Variants in PHACTR4 observed in about 807,000 individuals in gnomAD.
PHACTR4 encodes protein phosphatase 1, regulatory subunit 124.
A neutral mutation model predicts 72.7 loss-of-function variants in PHACTR4; 51 were observed. The ratio of observed to expected loss-of-function variants is 0.70; its 90% CI spans 0.56 to 0.89. PHACTR4 has a LOEUF of 0.89. Ranked by LOEUF, PHACTR4 falls within the 40% of genes least tolerant of loss-of-function variation. The probability of loss-of-function intolerance (pLI) is 0.00; values close to 1 mark genes in which losing one functional copy is unlikely to be tolerated. For synonymous variants in PHACTR4, 255 were observed against 302.5 expected, an observed-to-expected ratio of 0.84 and a Z score of 1.63; for missense variants, 731 against 861.8, an observed-to-expected ratio of 0.85 and a Z score of 1.90.
At chr1:28,443,273 C>CCTTCTTTCTTTCTTTCTT (rs373305473) in intron 2 of PHACTR4, among the ~76,000 whole-genome samples, 5 of 65,226 alleles carry the variant, frequency 7.7e-5, no homozygotes, top group African/African-American at 3.0e-4. Flanking sequence ...GTCTTTCTTT[C>CCTTCTTTCTTTCTTTCTT]TCTCTCTCTC....
At chr1:28,403,701 C>A (rs4615861) in intron 1 of PHACTR4, among the ~76,000 whole-genome samples, 56,814 of 151,612 alleles carry the variant, frequency 0.37, 12,031 homozygotes, top group African/African-American at 0.57. Flanking sequence ...AATTACCCCC[C>A]AAAAAACTCT....
intron 2 of PHACTR4, among the ~76,000 whole-genome samples, chr1:28,432,163 C>A (rs780762794): frequency 1.3e-5 from 2 of 151,934 alleles, no homozygotes; most frequent in Non-Finnish European, 2.9e-5. Context: ...GAGCCGAGAT[C>A]GTGCCACTGC....
chr1:28,449,729 G>A (rs1204307339), intron 2 of PHACTR4, among the ~76,000 whole-genome samples: 1 of 151,930 alleles, frequency 6.6e-6, no homozygotes, highest in Non-Finnish European at 1.5e-5. Context: ...GTGGGCACCT[G>A]TAATCCCAGC....
At chr1:28,457,990 T>C in intron 2 of PHACTR4, 1 of 387,990 alleles carries the variant, frequency 2.6e-6, no homozygotes, top group Non-Finnish European at 3.5e-6. Flanking sequence ...TAAAACTAAC[T>C]AACTAAACCC....
In PHACTR4 at chr1:28,499,382, AC is replaced by A. The variant is rs1412434359; in HGVS notation, c.*2835del. 6.6e-6 allele frequency: 1 copy of A among 152,118 alleles called. No homozygotes were observed. Among genetic ancestry groups the A allele is most frequent in the Non-Finnish European group, 1.5e-5 (1 of 68,130 alleles). 9.4% of individuals were successfully genotyped at this position (152,118 alleles called of 1,614,324 possible). On this transcript the variant is annotated 3_prime_UTR_variant, in exon 14 of 14. Coordinates refer to ENST00000373839, the MANE Select transcript of PHACTR4 (RefSeq NM_001048183.3). ...ACTCCCGACCTCAGGTGATCCACCC[AC>A]CTCAGCCTCCCAAAGTGGTGGGATT...
In PHACTR4 at chr1:28,429,486, G is replaced by A. The variant is rs770223355; in HGVS notation, c.16+22023G>A. On this transcript the variant is annotated intron_variant, in intron 2 of 13. Transcript: ENST00000373839. Reference sequence around the variant, plus strand: ...GAGAAAAGTTCCACTGTTGGAGGTCGGAAGAAATGTAGAGATGATGGGCTA... The same window carrying A: ...GAGAAAAGTTCCACTGTTGGAGGTCAGAAGAAATGTAGAGATGATGGGCTA... 8.5e-5 allele frequency among the ~76,000 whole-genome samples: 13 copies of A among 152,072 alleles called. 1 individual carries two copies. The highest frequency in any genetic ancestry group is 3.9e-4 in the East Asian group (2 of 5,194).
intron 7 of PHACTR4, 105 bp from the exon 8 acceptor site, chr1:28,476,002 A>G: frequency 9.0e-7 from 1 of 1,106,166 alleles, no homozygotes; most frequent in East Asian, 2.9e-5. Flanking sequence ...TGCTGGGATT[A>G]CAGCCATGAG....
intron 1 of PHACTR4, among the ~76,000 whole-genome samples, chr1:28,406,958 A>G (rs1360224992): frequency 6.6e-6 from 1 of 151,976 alleles, no homozygotes; most frequent in Non-Finnish European, 1.5e-5. Flanking sequence ...CAGGTGTTGT[A>G]TTTTTCTTAC....
intron 1 of PHACTR4, among the ~76,000 whole-genome samples, chr1:28,387,731 A>ATT (rs1652671315): frequency 8.2e-6 from 1 of 121,326 alleles, no homozygotes; most frequent in Non-Finnish European, 1.7e-5. Context: ...TACAAAAAAC[A>ATT]ATTTTTTTTT....
chr1:28,426,462 T>C (rs1420623224), intron 2 of PHACTR4, among the ~76,000 whole-genome samples: 2 of 151,722 alleles, frequency 1.3e-5, no homozygotes, highest in Non-Finnish European at 2.9e-5. Flanking sequence ...ATCAAGACCA[T>C]CTGGCTAACA....
intron 1 of PHACTR4, among the ~76,000 whole-genome samples, chr1:28,404,535 A>G (rs6598930): frequency 0.39 from 58,576 of 149,358 alleles, 12,990 homozygotes; most frequent in African/African-American, 0.61. Flanking sequence ...TGCCCGCCTC[A>G]GCCTCCCAAA....
chr1:28,491,934 C>A, intron 12 of PHACTR4, 147 bp downstream of exon 12: 2 of 1,019,186 alleles, frequency 2.0e-6, no homozygotes, highest in Non-Finnish European at 2.8e-6. Context: ...TACAAAATGC[C>A]AAGTTGAACA....
chr1:28,397,099 A>G (rs1653574785), intron 1 of PHACTR4, among the ~76,000 whole-genome samples: 1 of 152,072 alleles, frequency 6.6e-6, no homozygotes. Flanking sequence ...GTTTTTAGAC[A>G]TTGTGTATTT....
chr1:28,404,012 G>T (rs898034902), intron 1 of PHACTR4, among the ~76,000 whole-genome samples: 2 of 152,182 alleles, frequency 1.3e-5, no homozygotes, highest in African/African-American at 4.8e-5. Flanking sequence ...TATGAATAAT[G>T]CTGCTATGAA....
At chr1:28,459,662 A>G (rs1391600815) in intron 3 of PHACTR4, among the ~76,000 whole-genome samples, 1 of 152,094 alleles carries the variant, frequency 6.6e-6, no homozygotes, top group Non-Finnish European at 1.5e-5. Context: ...TCAGCCTCCC[A>G]AAGTGCTGGG....
intron 9 of PHACTR4, among the ~76,000 whole-genome samples, chr1:28,488,668 G>A (rs1327769658): frequency 1.3e-5 from 2 of 151,756 alleles, no homozygotes; most frequent in Admixed American, 6.6e-5. Flanking sequence ...CTAAAGAGGG[G>A]CATCTGAGTC....
At chr1:28,470,235 A>C (rs537944883) in intron 6 of PHACTR4, among the ~76,000 whole-genome samples, 2 of 152,114 alleles carry the variant, frequency 1.3e-5, no homozygotes, top group East Asian at 3.9e-4. Context: ...TCTATAAAAT[A>C]TTTAAAAATT....
chr1:28,373,936 C>G (rs1376733159), intron 1 of PHACTR4, among the ~76,000 whole-genome samples: 2 of 152,162 alleles, frequency 1.3e-5, no homozygotes, highest in Non-Finnish European at 2.9e-5. Context: ...TTACCTCACA[C>G]TTATTACAGC....
At chr1:28,408,227 T>C (rs866816140) in intron 2 of PHACTR4, among the ~76,000 whole-genome samples, 1 of 152,238 alleles carries the variant, frequency 6.6e-6, no homozygotes, top group African/African-American at 2.4e-5. Flanking sequence ...AAACAATGTG[T>C]GCTTTGTAGT....
Sources: gnomAD v4.1 joint callset for allele counts (sites outside exome capture counted in the v4.1 genomes callset) on GRCh38, gnomAD v4.1.1 for gene constraint, MANE v1.5 for transcripts, NCBI Gene and HGNC (gene_info 2026-07-23, HGNC 2026-07-21) for gene names.